Variants in SLC6A16 observed in about 807,000 individuals in gnomAD.
SLC6A16 encodes the protein orphan sodium- and chloride-dependent neurotransmitter transporter NTT5.
In SLC6A16, 54 loss-of-function variants were observed where a neutral mutation model predicts 65.4. The ratio of observed to expected loss-of-function variants is 0.83; its 90% CI spans 0.66 to 1.04. The LOEUF (loss-of-function observed/expected upper bound fraction) is 1.04. Among genes scored for constraint, SLC6A16 ranks in the 50% least tolerant of loss-of-function variants. The pLI is 0.00. For missense variants in SLC6A16, 816 were observed against 914.0 expected (o/e 0.89, Z 1.38); for synonymous variants, 330 against 346.5 (o/e 0.95, Z 0.53).
intron 1 of SLC6A16, among the ~76,000 whole-genome samples, chr19:49,317,385 G>T (rs1330206020): frequency 3.3e-5 from 5 of 151,598 alleles, no homozygotes; most frequent in Middle Eastern, 3.2e-3. Flanking sequence ...TTAATTAAAA[G>T]ATAATTTTAA....
At chr19:49,333,539 T>C in the SLC6A16 span, among the ~76,000 whole-genome samples, 3 of 152,112 alleles carry the variant, frequency 2.0e-5, no homozygotes, top group Non-Finnish European at 2.9e-5. Flanking sequence ...TACAGAACTG[T>C]GTGGCTCAGG....
At chr19:49,305,085 T>G (rs1389090135) in intron 7 of SLC6A16, among the ~76,000 whole-genome samples, 1 of 152,194 alleles carries the variant, frequency 6.6e-6, no homozygotes, top group Non-Finnish European at 1.5e-5. Flanking sequence ...GGGGTAGCTT[T>G]TTTACTTCCT....
intron 7 of SLC6A16, among the ~76,000 whole-genome samples, chr19:49,295,260 G>A (rs371398426): frequency 2.4e-4 from 36 of 151,934 alleles, no homozygotes; most frequent in Admixed American, 1.6e-3. Context: ...CGTGCCTGTA[G>A]TCCCAGCTAT....
intron 1 of SLC6A16, among the ~76,000 whole-genome samples, chr19:49,312,057 A>G (rs1396482899): frequency 6.6e-6 from 1 of 151,178 alleles, no homozygotes; most frequent in Non-Finnish European, 1.5e-5. Flanking sequence ...TTGTATTTTT[A>G]GTAGAGCCAG....
intron 1 of SLC6A16, among the ~76,000 whole-genome samples, chr19:49,323,223 A>T (rs10411679): frequency 0.24 from 36,914 of 151,996 alleles, 4,718 homozygotes; most frequent in South Asian, 0.4. Flanking sequence ...CACAAAATAA[A>T]TCAAAGACCT....
At chr19:49,295,612 G>C (rs1970171055) in intron 7 of SLC6A16, among the ~76,000 whole-genome samples, 1 of 152,176 alleles carries the variant, frequency 6.6e-6, no homozygotes, top group African/African-American at 2.4e-5. Flanking sequence ...ATGTTGACAA[G>C]ATAATAAGGA....
chr19:49,331,492 T>A, the SLC6A16 span: 33 of 282,804 alleles, frequency 1.2e-4, no homozygotes, highest in South Asian at 3.1e-4. Context: ...CATAATAATG[T>A]TTTGATATAT....
chr19:49,328,957 G>A (rs574050319), upstream of SLC6A16, among the ~76,000 whole-genome samples: 8 of 152,196 alleles, frequency 5.3e-5, no homozygotes, highest in African/African-American at 1.7e-4. Flanking sequence ...TCCTCCAGCC[G>A]TAGTTAAATC....
chr19:49,291,973 G>C (rs1269263803), intron 10 of SLC6A16, among the ~76,000 whole-genome samples: 2 of 152,132 alleles, frequency 1.3e-5, no homozygotes, highest in African/African-American at 4.8e-5. Context: ...AGATTATCTT[G>C]TTCTCTTTCC....
At chr19:49,325,285 T>G (rs556627832), upstream of SLC6A16, 1 of 972,404 alleles carries the variant, frequency 1.0e-6, no homozygotes, top group Non-Finnish European at 1.2e-6. Flanking sequence ...CTGTAACCAC[T>G]TCGCCCTCCC....
chr19:49,318,179 A>G (rs1419879533), intron 1 of SLC6A16, among the ~76,000 whole-genome samples: 2 of 152,240 alleles, frequency 1.3e-5, no homozygotes, highest in Non-Finnish European at 2.9e-5. Context: ...GGCAAAGAAT[A>G]AATTCCAAGG....
In SLC6A16 at chr19:49,293,423, G is replaced by A. The variant is rs369524281; in HGVS notation, c.1619-41C>T. 498 of 1,604,290 alleles carry A rather than the reference G, an allele frequency of 3.1e-4. 2 individuals are homozygous for A. The highest frequency in any genetic ancestry group is 1.3e-3 in the Admixed American group (78 of 59,614). ...GATCTGGATCAAGGTTAGAAGTCACGGCTGGGTGACAAGGGCTAAGTAGAG... is the reference window on the plus strand; with the variant it reads ...GATCTGGATCAAGGTTAGAAGTCACAGCTGGGTGACAAGGGCTAAGTAGAG... On this transcript the variant is annotated intron_variant, in intron 9 of 11. Coordinates refer to ENST00000335875, the MANE Select transcript of SLC6A16 (RefSeq NM_014037.3).
At chr19:49,305,768 C>T (rs1970374263) in intron 7 of SLC6A16, 1 of 152,032 alleles carries the variant, frequency 6.6e-6, no homozygotes, top group Non-Finnish European at 1.5e-5. Flanking sequence ...TTGTTTTAAT[C>T]CATTTACTTC....
At position 49,311,041 on chromosome 19, in the gene SLC6A16, G is replaced by T; in HGVS notation, c.307C>A (p.Arg103Ser). ...TCAGTTTTGCTGGACCAGAACGGAC[G>T]GGCAAGGAGGACCTCACTCTCTTTC... is the stretch of plus-strand genomic sequence containing the variant. Reference protein sequence around the residue: ...EKKESEVLLARPFWSSKTEYI... With the variant: ...EKKESEVLLASPFWSSKTEYI... The change falls in exon 2 of 12, where the codon CGT becomes AGT. Residue 103 changes from arginine (R) to serine (S), a missense_variant. Arg to Ser is a moderately radical substitution (Grantham distance 110). Transcript: ENST00000335875. 1 of 1,614,148 alleles carries T rather than the reference G, an allele frequency of 6.2e-7. No homozygotes were observed. The highest frequency in any genetic ancestry group is 8.5e-7 in the Non-Finnish European group (1 of 1,180,010).
the SLC6A16 span, chr19:49,339,739 G>A: frequency 2.2e-6 from 3 of 1,388,156 alleles, no homozygotes; most frequent in Non-Finnish European, 2.8e-6. The surrounding 1 kb of genome is among the most constrained non-coding windows in gnomAD (Gnocchi z 4.5). Context: ...GGGCGCTGGG[G>A]ATTCGAGCCC....
intron 7 of SLC6A16, among the ~76,000 whole-genome samples, chr19:49,300,632 C>G (rs1397699651): frequency 6.6e-6 from 1 of 151,830 alleles, no homozygotes; most frequent in Admixed American, 6.6e-5. Context: ...AAATACAGAC[C>G]AGGAGAAACA....
At chr19:49,327,883 A>G (rs1440737934), upstream of SLC6A16, among the ~76,000 whole-genome samples, 1 of 152,242 alleles carries the variant, frequency 6.6e-6, no homozygotes, top group Admixed American at 6.5e-5. Context: ...AATGGCAAAG[A>G]GTCTGATATG....
Position 49,310,519 on chromosome 19 carries a change from A to G in SLC6A16, c.416-9T>C, listed in dbSNP as rs745849122. On this transcript the variant is annotated splice_polypyrimidine_tract_variant and intron_variant, in intron 2 of 11. Coordinates refer to ENST00000335875, the MANE Select transcript of SLC6A16 (RefSeq NM_014037.3). ...GATGGCAGCGAAACTGCCTGTGAAG[A>G]AGATTCAGAAGGGACTCTGAGAACC... 9 of 1,613,874 alleles carry G rather than the reference A, an allele frequency of 5.6e-6. No homozygotes were observed. In the East Asian group the frequency reaches 2.0e-4, roughly 36 times the overall value.
chr19:49,325,410 C>A (rs983014562), upstream of SLC6A16, among the ~76,000 whole-genome samples: 5 of 152,218 alleles, frequency 3.3e-5, no homozygotes, highest in African/African-American at 1.2e-4. Context: ...ACGCTTCAGG[C>A]GGGGCTCTAA....
Sources: gnomAD v4.1 joint callset for allele counts (sites outside exome capture counted in the v4.1 genomes callset) on GRCh38, gnomAD v4.1.1 for gene constraint, Gnocchi (gnomAD v3.1) non-coding constraint, MANE v1.5 for transcripts, NCBI Gene and HGNC (gene_info 2026-07-23, HGNC 2026-07-21) for gene names.